Variants in FAF2 observed in about 807,000 individuals in gnomAD.
The protein encoded by FAF2 is Fas associated factor family member 2.
Under a neutral mutation model 62.3 loss-of-function variants are expected in FAF2, and 9 were observed. The observed-to-expected ratio is 0.14, with a 90% CI of 0.09 to 0.25. FAF2 has a LOEUF of 0.25. Ranked by LOEUF, FAF2 falls within the 10% of genes least tolerant of loss-of-function variation. The pLI, the probability that FAF2 is intolerant of heterozygous loss-of-function variation, is 1.00. For missense variants in FAF2, 368 were observed against 556.2 expected, an observed-to-expected ratio of 0.66 and a Z score of 3.40; for synonymous variants, 202 against 198.0, an observed-to-expected ratio of 1.02 and a Z score of -0.17.
chr5:176,477,140 T>C (rs11134977), intron 1 of FAF2, among the ~76,000 whole-genome samples: 50,392 of 118,156 alleles, frequency 0.43, 10,527 homozygotes, highest in Admixed American at 0.46. Flanking sequence ...TGAGGCGGGG[T>C]TTCACTGTGT....
intron 1 of FAF2, among the ~76,000 whole-genome samples, chr5:176,452,711 G>T (rs1758209138): frequency 6.6e-6 from 1 of 152,234 alleles, no homozygotes; most frequent in Non-Finnish European, 1.5e-5. Context: ...ATTGAAAGTG[G>T]ACAATAAGAC....
chr5:176,448,834 G>A (rs2113710100), intron 1 of FAF2, among the ~76,000 whole-genome samples: 1 of 152,326 alleles, frequency 6.6e-6, no homozygotes, highest in South Asian at 2.1e-4. Flanking sequence ...CCACCGCGGA[G>A]TTGGCGTCAT....
intron 2 of FAF2, among the ~76,000 whole-genome samples, chr5:176,481,800 C>T (rs1758787573): frequency 1.3e-5 from 2 of 152,102 alleles, no homozygotes; most frequent in South Asian, 2.1e-4. Flanking sequence ...ACTACAGGCC[C>T]ACGCTACCAC....
At chr5:176,500,586 G>A (rs912498798) in intron 10 of FAF2, among the ~76,000 whole-genome samples, 1 of 152,144 alleles carries the variant, frequency 6.6e-6, no homozygotes, top group Admixed American at 6.6e-5. Context: ...TGCACTTGCA[G>A]TTTGGATGCA....
intron 1 of FAF2, among the ~76,000 whole-genome samples, chr5:176,459,129 C>G (rs1318953124): frequency 6.6e-6 from 1 of 152,016 alleles, no homozygotes. Context: ...CACCAGAAAT[C>G]TCAATCCCAA....
chr5:176,466,410 A>G (rs529873749), intron 1 of FAF2, among the ~76,000 whole-genome samples: 4 of 152,336 alleles, frequency 2.6e-5, no homozygotes, highest in African/African-American at 9.6e-5. Flanking sequence ...CAACAAGCCA[A>G]TTGGAATTTA....
intron 1 of FAF2, among the ~76,000 whole-genome samples, chr5:176,461,488 T>TA (rs1430338465): frequency 1.3e-5 from 2 of 151,256 alleles, no homozygotes; most frequent in Admixed American, 6.6e-5. Context: ...GGGCTAATTT[T>TA]TTTTATTTTA....
Position 176,472,434 on chromosome 5 carries a change from C to G in FAF2, c.64-6754C>G, listed in dbSNP as rs900922616. On this transcript the variant is annotated intron_variant, in intron 1 of 10. Coordinates refer to ENST00000261942, the MANE Select transcript of FAF2 (RefSeq NM_014613.3). ...TGCTGGGATTACAGGCGTGATCCAC[C>G]ACGCCCAGCTTGTTTTTGTTTTTTT... 5.9e-5 allele frequency among the ~76,000 whole-genome samples: 9 copies of G among 152,098 alleles called. No individual in the cohort carries two copies. The South Asian group carries it at 6.2e-4, about 11-fold the overall frequency.
chr5:176,469,174 G>A (rs1758518531), intron 1 of FAF2, among the ~76,000 whole-genome samples: 1 of 151,740 alleles, frequency 6.6e-6, no homozygotes, highest in Non-Finnish European at 1.5e-5. Context: ...GAACCCAGGA[G>A]GCAGAGGTTG....
At chr5:176,461,497 T>A (rs1011918658) in intron 1 of FAF2, among the ~76,000 whole-genome samples, 26 of 151,436 alleles carry the variant, frequency 1.7e-4, no homozygotes, top group African/African-American at 6.3e-4. Flanking sequence ...TTTTTTATTT[T>A]ATTTTTTTTT....
chr5:176,450,207 T>G (rs1758139303), intron 1 of FAF2, among the ~76,000 whole-genome samples: 1 of 152,202 alleles, frequency 6.6e-6, no homozygotes, highest in Admixed American at 6.6e-5. Context: ...TGGAAGTGTA[T>G]AAATGGAAAA....
At chr5:176,481,669 G>A (rs946439708) in intron 2 of FAF2, among the ~76,000 whole-genome samples, 2 of 151,442 alleles carry the variant, frequency 1.3e-5, no homozygotes, top group African/African-American at 2.4e-5. Flanking sequence ...AAAAAAAAAG[G>A]GAGAGAGAGA....
At chr5:176,456,311 A>T (rs549549088) in intron 1 of FAF2, among the ~76,000 whole-genome samples, 1 of 152,196 alleles carries the variant, frequency 6.6e-6, no homozygotes, top group Non-Finnish European at 1.5e-5. Context: ...ACCTGAGGTG[A>T]TCCGCCTACC....
intron 2 of FAF2, among the ~76,000 whole-genome samples, chr5:176,483,298 G>C (rs150089145): frequency 6.6e-6 from 1 of 152,192 alleles, no homozygotes; most frequent in Non-Finnish European, 1.5e-5. Context: ...CTTTTGTCGC[G>C]TGTGCTTTTG....
chr5:176,499,579 C>T (rs1466142158), intron 9 of FAF2, among the ~76,000 whole-genome samples: 1 of 151,566 alleles, frequency 6.6e-6, no homozygotes, highest in Admixed American at 6.6e-5. Context: ...TTACCGCTTA[C>T]CTATAACCAG....
At chr5:176,493,785 T>C (rs1167833375) in intron 5 of FAF2, among the ~76,000 whole-genome samples, 1 of 152,218 alleles carries the variant, frequency 6.6e-6, no homozygotes. Context: ...TAAAACCTTT[T>C]CATTAAAGCT....
chr5:176,489,271 CTATATT>C (rs1190735415), intron 4 of FAF2, among the ~76,000 whole-genome samples: 1 of 147,172 alleles, frequency 6.8e-6, no homozygotes, highest in East Asian at 2.0e-4. Context: ...ACCAGTCTGA[CTATATT>C]TATTTGTCTC....
intron 1 of FAF2, among the ~76,000 whole-genome samples, chr5:176,457,323 G>A (rs1273649414): frequency 6.6e-6 from 1 of 151,916 alleles, no homozygotes; most frequent in Non-Finnish European, 1.5e-5. Flanking sequence ...AGAGTTGCTG[G>A]GATTATAGGC....
intron 2 of FAF2, among the ~76,000 whole-genome samples, chr5:176,479,857 C>T (rs1184160782): frequency 4.6e-5 from 7 of 152,090 alleles, no homozygotes; most frequent in Admixed American, 2.6e-4. Flanking sequence ...CCACTGCACC[C>T]GGCTAATTTG....
Sources: gnomAD v4.1 joint callset for allele counts (sites outside exome capture counted in the v4.1 genomes callset) on GRCh38, gnomAD v4.1.1 for gene constraint, MANE v1.5 for transcripts, NCBI Gene and HGNC (gene_info 2026-07-23, HGNC 2026-07-21) for gene names.